PACSIN2: variants seen among roughly 807,000 people sequenced by gnomAD.
PACSIN2 encodes protein kinase C and casein kinase substrate in neurons 2.
PACSIN2 carries 25 observed loss-of-function variants against 63.8 expected under a neutral mutation model. That is an observed-to-expected ratio of 0.39 (90% CI 0.29 to 0.55). The LOEUF (loss-of-function observed/expected upper bound fraction) is 0.55. PACSIN2 is among the 20% of genes least tolerant of loss of function. The pLI is 0.62. For missense variants in PACSIN2, 518 were observed against 646.9 expected (o/e 0.80, Z 2.16); for synonymous variants, 255 against 256.2 (o/e 1.00, Z 0.05).
intron 1 of PACSIN2, among the ~76,000 whole-genome samples, chr22:42,941,042 C>A (rs921762043): frequency 6.6e-6 from 1 of 152,174 alleles, no homozygotes; most frequent in Non-Finnish European, 1.5e-5. Context: ...CCCCAGTCAT[C>A]CCCCACCTCC....
At chr22:42,953,431 A>G (rs1469746465) in intron 1 of PACSIN2, among the ~76,000 whole-genome samples, 1 of 152,256 alleles carries the variant, frequency 6.6e-6, no homozygotes, top group Non-Finnish European at 1.5e-5. Flanking sequence ...TGCAAATTGC[A>G]TTGAAGGGCC....
At chr22:42,970,300 C>T (rs1430165619) in intron 1 of PACSIN2, among the ~76,000 whole-genome samples, 3 of 152,218 alleles carry the variant, frequency 2.0e-5, no homozygotes, top group African/African-American at 7.2e-5. Context: ...GGCACTTCAC[C>T]TCTGTGGGAC....
intron 2 of PACSIN2, among the ~76,000 whole-genome samples, chr22:42,897,964 C>T (rs1930404002): frequency 6.6e-6 from 1 of 151,680 alleles, no homozygotes; most frequent in East Asian, 1.9e-4. Context: ...TGAGGGAGGG[C>T]AGATGCTGAG....
At chr22:42,893,358 A>C in intron 3 of PACSIN2, 99 bp downstream of exon 3, 1 of 1,280,810 alleles carries the variant, frequency 7.8e-7, no homozygotes, top group Non-Finnish European at 1.1e-6. Flanking sequence ...CAATCTTAAA[A>C]GACAGAAAAC....
At chr22:42,940,358 G>A (rs1933097206) in intron 1 of PACSIN2, among the ~76,000 whole-genome samples, 1 of 152,208 alleles carries the variant, frequency 6.6e-6, no homozygotes, top group East Asian at 1.9e-4. Context: ...CTGAATCTCA[G>A]ACGCTGTGCA....
chr22:42,922,534 G>A (rs113817918), intron 1 of PACSIN2, among the ~76,000 whole-genome samples: 14 of 152,342 alleles, frequency 9.2e-5, no homozygotes, highest in South Asian at 2.1e-4. Flanking sequence ...GCCACGGCCC[G>A]AGCACACCTG....
intron 1 of PACSIN2, among the ~76,000 whole-genome samples, chr22:42,981,905 C>T (rs1225621350): frequency 1.2e-4 from 10 of 83,730 alleles, no homozygotes; most frequent in South Asian, 5.4e-4. Context: ...CCAGCCGCCC[C>T]GTCCGGGAGG....
At chr22:42,885,501 G>A (rs994044435) in intron 5 of PACSIN2, among the ~76,000 whole-genome samples, 1 of 152,108 alleles carries the variant, frequency 6.6e-6, no homozygotes, top group Non-Finnish European at 1.5e-5. Context: ...ACATGTGCAG[G>A]GCCTTCTGAG....
At chr22:42,990,867 T>C (rs761697107) in intron 1 of PACSIN2, among the ~76,000 whole-genome samples, 1 of 152,150 alleles carries the variant, frequency 6.6e-6, no homozygotes, top group Admixed American at 6.5e-5. Context: ...TGCTAAACCA[T>C]ATCTGTCCTT....
At chr22:42,937,235 C>T (rs546149908) in intron 1 of PACSIN2, among the ~76,000 whole-genome samples, 8 of 152,106 alleles carry the variant, frequency 5.3e-5, no homozygotes, top group South Asian at 2.1e-4. Context: ...GAGAAGGTCC[C>T]CAAAGAAGGT....
intron 1 of PACSIN2, among the ~76,000 whole-genome samples, chr22:42,941,692 T>C (rs1250416906): frequency 1.3e-5 from 2 of 152,254 alleles, no homozygotes; most frequent in Non-Finnish European, 2.9e-5. Flanking sequence ...ATACTATCTT[T>C]GAAGAAACGT....
At chr22:42,971,092 A>G (rs1187057583) in intron 1 of PACSIN2, among the ~76,000 whole-genome samples, 1 of 151,844 alleles carries the variant, frequency 6.6e-6, no homozygotes, top group Non-Finnish European at 1.5e-5. Flanking sequence ...TGATAAAAAT[A>G]TTCTCCCTCT....
At chr22:42,913,703 A>C (rs1931623470) in intron 1 of PACSIN2, among the ~76,000 whole-genome samples, 1 of 152,160 alleles carries the variant, frequency 6.6e-6, no homozygotes, top group Non-Finnish European at 1.5e-5. Flanking sequence ...GATTACTATC[A>C]TTACTTCTGT....
chr22:42,871,746 C>A lies in PACSIN2; in HGVS notation c.1349-277G>T, dbSNP rs1928149845. Among the ~76,000 whole-genome samples the A allele has an allele frequency of 6.6e-6, 1 of 152,184 alleles. No individual in the cohort carries two copies. The highest frequency in any genetic ancestry group is 2.1e-4 in the South Asian group (1 of 4,826). On this transcript the variant is annotated intron_variant, in intron 10 of 10. Transcript: ENST00000263246. This position sits in a 1 kb window ranked among gnomAD's most constrained non-coding sequence, Gnocchi z 5.4. The stretch of plus-strand genomic sequence containing the variant: ...GTGGCTCCCACTGAGACTGCGGCAT[C>A]CAGCTCCATAGGGCTGTGCCTTCCT...
Position 42,963,203 on chromosome 22 carries a change from C to T in PACSIN2, c.-77-51046G>A, listed in dbSNP as rs117408258. The stretch of plus-strand genomic sequence containing the variant: ...GTCAAAGCAGCCAAGGTCCCTGCCC[C>T]GGCCCACAATGTACAGGCTGAGCAG... On this transcript the variant is annotated intron_variant, in intron 1 of 10. Transcript: ENST00000263246. 1.0e-3 allele frequency among the ~76,000 whole-genome samples: 155 copies of T among 152,294 alleles called. 1 individual carries two copies. In the East Asian group the frequency reaches 0.025, roughly 25 times the overall value.
At chr22:42,961,546 T>C (rs1298150797) in intron 1 of PACSIN2, among the ~76,000 whole-genome samples, 2 of 150,362 alleles carry the variant, frequency 1.3e-5, no homozygotes, top group Non-Finnish European at 1.5e-5. Flanking sequence ...CTGAGGCAAA[T>C]GGATTGCTTG....
chr22:42,962,775 C>CA (rs1555936912), intron 1 of PACSIN2, among the ~76,000 whole-genome samples: 1 of 16,420 alleles, frequency 6.1e-5, no homozygotes, highest in Admixed American at 4.6e-4. Context: ...AAGGTGTGGG[C>CA]GGGGGGGGGG....
In PACSIN2 at chr22:42,893,604, A is replaced by G. The variant is rs1322329319; in HGVS notation, c.70T>C (p.Tyr24His). 3.1e-6 allele frequency: 5 copies of G among 1,613,678 alleles called. No homozygotes were observed. The African/African-American group carries it at 5.3e-5, about 17-fold the overall frequency. Residue 24 changes from tyrosine (Y) to histidine (H), a missense_variant, in exon 3 of 11, where the codon TAC becomes CAC. Around this residue, in one of 2 missense-constraint regions of PACSIN2, gnomAD observed 507 missense variants for 612.3 expected, o/e 0.83. Coordinates refer to ENST00000263246, the MANE Select transcript of PACSIN2 (RefSeq NM_001184970.3). Reference sequence around the variant, plus strand: ...TCGATCCGCTTCACAGTCCGCTTGTAGTTCCCGACCTAGGAGAGAGAACCA... The same window carrying G: ...TCGATCCGCTTCACAGTCCGCTTGTGGTTCCCGACCTAGGAGAGAGAACCA... ...SSDSFWEVGN[Y>H]KRTVKRIDDG...
rs759222229 is a variant in PACSIN2 at position 42,879,062 on chromosome 22, C to T, written c.1014G>A (p.Pro338=). The T allele has an allele frequency of 8.7e-6, 14 of 1,613,754 alleles. No individual in the cohort carries two copies. The highest frequency in any genetic ancestry group is 2.2e-5 in the South Asian group (2 of 91,080). The part of the protein sequence containing the change: ...GINQTGDQSL[P]SKPSSTLNVP... ...CGCCCACTCACCTGCTGGGCTTACT[C>T]GGCAGAGACTGGTCGCCTGTCTGGT... The change falls in exon 8 of 11, where the codon CCG becomes CCA. Residue 338 remains proline (P), a synonymous_variant. Coordinates refer to ENST00000263246, the MANE Select transcript of PACSIN2 (RefSeq NM_001184970.3).
Sources: allele counts gnomAD v4.1 joint callset (sites outside exome capture counted in the v4.1 genomes callset), GRCh38; gene constraint gnomAD v4.1.1; regional missense constraint gnomAD v4.1.1; non-coding constraint Gnocchi (gnomAD v3.1); transcripts MANE v1.5; gene names NCBI Gene and HGNC (gene_info 2026-07-23, HGNC 2026-07-21).